Variants in FBXL17 observed in about 807,000 individuals in gnomAD.
The protein encoded by FBXL17 is F-box/LRR-repeat protein 17.
A neutral mutation model predicts 66.2 loss-of-function variants in FBXL17; 22 were observed. The ratio of observed to expected loss-of-function variants is 0.33; its 90% CI spans 0.24 to 0.47. FBXL17 has a LOEUF of 0.47. FBXL17 is among the 20% of genes least tolerant of loss of function. The pLI, the probability that FBXL17 is intolerant of heterozygous loss-of-function variation, is 1.00. For synonymous variants in FBXL17, 474 were observed against 400.5 expected (o/e 1.18, Z -2.19); for missense variants, 878 against 948.2 (o/e 0.93, Z 0.97).
intron 7 of FBXL17, among the ~76,000 whole-genome samples, chr5:108,014,961 C>CAGA (rs1367415760): frequency 4.0e-4 from 61 of 152,082 alleles, no homozygotes; most frequent in Non-Finnish European, 6.3e-4. Flanking sequence ...TCACTACCGC[C>CAGA]ACAACAGTAT....
chr5:107,945,794 G>C (rs997799584), intron 7 of FBXL17, among the ~76,000 whole-genome samples: 2 of 152,080 alleles, frequency 1.3e-5, no homozygotes, highest in South Asian at 4.1e-4. Context: ...AATGTAATTC[G>C]GGACTTCAAT....
At chr5:108,362,914 G>A (rs894555868) in intron 3 of FBXL17, among the ~76,000 whole-genome samples, 3 of 151,926 alleles carry the variant, frequency 2.0e-5, no homozygotes, top group Admixed American at 6.6e-5. Context: ...TGACAGAAGA[G>A]GGAAAAAACA....
intron 6 of FBXL17, among the ~76,000 whole-genome samples, chr5:108,059,168 C>A (rs1298205327): frequency 6.6e-6 from 1 of 152,164 alleles, no homozygotes; most frequent in Non-Finnish European, 1.5e-5. Context: ...TGAAAATAAT[C>A]TGAGTATGGA....
At chr5:107,950,586 A>T (rs1751466697) in intron 7 of FBXL17, among the ~76,000 whole-genome samples, 1 of 152,222 alleles carries the variant, frequency 6.6e-6, no homozygotes, top group Non-Finnish European at 1.5e-5. Flanking sequence ...TTTTGGGTAC[A>T]GTACTCCACT....
At chr5:107,969,482 C>CA (rs939048385) in intron 7 of FBXL17, among the ~76,000 whole-genome samples, 28 of 150,986 alleles carry the variant, frequency 1.9e-4, no homozygotes, top group Admixed American at 7.9e-4. Context: ...CTTCATATTT[C>CA]AAAAAAAAAC....
chr5:108,132,474 C>T lies in FBXL17; in HGVS notation c.1745+53643G>A, dbSNP rs1346767972. Among the ~76,000 whole-genome samples, 4 of 152,080 alleles carry T rather than the reference C, an allele frequency of 2.6e-5. No individual in the cohort carries two copies. In the East Asian group the frequency reaches 7.7e-4, roughly 29 times the overall value. The stretch of plus-strand genomic sequence containing the variant: ...CTTAATAGACATTAACCAAAATGAA[C>T]ACTATTTAGGAAAATGTGTTCTTTT... On this transcript the variant is annotated intron_variant, in intron 6 of 8. Transcript: ENST00000542267.
chr5:108,028,744 T>A (rs1561375391), intron 6 of FBXL17, among the ~76,000 whole-genome samples: 1 of 152,068 alleles, frequency 6.6e-6, no homozygotes, highest in Non-Finnish European at 1.5e-5. Flanking sequence ...TGGGAAGGCA[T>A]AAAATCTCTT....
intron 6 of FBXL17, among the ~76,000 whole-genome samples, chr5:108,130,065 A>G (rs1750871383): frequency 2.0e-5 from 3 of 151,900 alleles, no homozygotes. Flanking sequence ...ATCATACATA[A>G]ACTGCTTTTA....
At chr5:108,023,525 C>T (rs893094237) in intron 6 of FBXL17, among the ~76,000 whole-genome samples, 3 of 152,074 alleles carry the variant, frequency 2.0e-5, no homozygotes, top group African/African-American at 7.2e-5. Flanking sequence ...ACCTATGTCG[C>T]GTTTCCCTGG....
At chr5:107,964,918 T>A (rs1184580160) in intron 7 of FBXL17, among the ~76,000 whole-genome samples, 1 of 152,156 alleles carries the variant, frequency 6.6e-6, no homozygotes, top group Non-Finnish European at 1.5e-5. Flanking sequence ...GATCTTGCAG[T>A]GAAAAGTGTC....
At position 108,263,981 on chromosome 5, in the gene FBXL17, C is replaced by T. The variant is rs368515924; in HGVS notation, c.1507-39753G>A. On this transcript the variant is annotated intron_variant, in intron 4 of 8. Coordinates refer to ENST00000542267, the MANE Select transcript of FBXL17 (RefSeq NM_001163315.3). ...CTGTAATCCCAGCACTTTGGGAGGC[C>T]GAGGCGGGTAGATCACGAGGTCAGG... Among the ~76,000 whole-genome samples the T allele has an allele frequency of 7.6e-4, 115 of 151,916 alleles. 1 individual carries two copies. The highest frequency in any genetic ancestry group is 1.0e-4 in the Non-Finnish European group (7 of 67,980).
At chr5:107,889,037 G>T (rs1179081700) in intron 7 of FBXL17, among the ~76,000 whole-genome samples, 6 of 140,426 alleles carry the variant, frequency 4.3e-5, no homozygotes, top group Non-Finnish European at 9.7e-5. Context: ...TGTTCTAGTG[G>T]GTACGTAGTA....
At chr5:107,957,686 CA>C (rs1372384597) in intron 7 of FBXL17, among the ~76,000 whole-genome samples, 6 of 152,112 alleles carry the variant, frequency 3.9e-5, no homozygotes, top group African/African-American at 1.4e-4. Context: ...TTTGCACGCC[CA>C]AACACTGCAC....
chr5:108,301,902 C>A (rs1758607107), intron 4 of FBXL17: 5 of 346,918 alleles, frequency 1.4e-5, no homozygotes, highest in Middle Eastern at 1.4e-3. Flanking sequence ...ACAATGAAAT[C>A]CAGATATGTC....
rs1749951334 is a variant in FBXL17 at position 108,381,623 on chromosome 5, C to A, written c.69G>T (p.Trp23Cys). The change falls in exon 1 of 9, where the codon TGG becomes TGT. Residue 23 changes from tryptophan to cysteine, a missense_variant. Trp to Cys is a radical substitution (Grantham distance 215). Around this residue, in one of 4 missense-constraint regions of FBXL17, gnomAD observed 605 missense variants for 509.5 expected, o/e 1.19. Coordinates refer to ENST00000542267, the MANE Select transcript of FBXL17 (RefSeq NM_001163315.3). ...PSQKRPRCCS[W>C]CRRRRPLLRL... Reference sequence around the variant, plus strand: ...TGAGGAGAGGGCGCCGGCGGCGGCACCAACTGCAACAGCGAGGCCTCTTCT... The same window carrying A: ...TGAGGAGAGGGCGCCGGCGGCGGCAACAACTGCAACAGCGAGGCCTCTTCT... 9.4e-6 allele frequency: 14 copies of A among 1,493,078 alleles called. No individual in the cohort carries two copies. The highest frequency in any genetic ancestry group is 1.5e-5 in the African/African-American group (1 of 68,638). 92.5% of individuals were successfully genotyped at this position (1,493,078 alleles called of 1,614,324 possible).
At chr5:108,262,729 A>G (rs1756889353) in intron 4 of FBXL17, among the ~76,000 whole-genome samples, 1 of 97,252 alleles carries the variant, frequency 1.0e-5, no homozygotes, top group South Asian at 5.3e-4. Context: ...AGCAACAACA[A>G]CAAAAACCAC....
intron 6 of FBXL17, among the ~76,000 whole-genome samples, chr5:108,098,611 G>C (rs1422386203): frequency 6.6e-6 from 1 of 151,872 alleles, no homozygotes; most frequent in Non-Finnish European, 1.5e-5. Context: ...CGGGCGTGGT[G>C]GTGAGCATCT....
chr5:107,902,401 G>T (rs17160710), intron 7 of FBXL17, among the ~76,000 whole-genome samples: 10,679 of 152,176 alleles, frequency 0.07, 472 homozygotes, highest in South Asian at 0.2. Context: ...ATCACAGCAG[G>T]TTTTTAAAGA....
At chr5:108,031,185 G>A (rs1746617889) in intron 6 of FBXL17, among the ~76,000 whole-genome samples, 1 of 152,040 alleles carries the variant, frequency 6.6e-6, no homozygotes, top group South Asian at 2.1e-4. Flanking sequence ...AGAGAACACT[G>A]TAATGGGGAA....
Sources: allele counts gnomAD v4.1 joint callset (sites outside exome capture counted in the v4.1 genomes callset), GRCh38; gene constraint gnomAD v4.1.1; regional missense constraint gnomAD v4.1.1; transcripts MANE v1.5; gene names NCBI Gene and HGNC (gene_info 2026-07-23, HGNC 2026-07-21).